SCAPER: variants seen among roughly 807,000 people sequenced by gnomAD.
SCAPER encodes S-phase cyclin A associated protein in the ER.
SCAPER carries 98 observed loss-of-function variants against 182.2 expected under a neutral mutation model. The ratio of observed to expected loss-of-function variants is 0.54; its 90% CI spans 0.46 to 0.64. SCAPER has a LOEUF of 0.64. SCAPER is among the 30% of genes least tolerant of loss of function. The probability of loss-of-function intolerance (pLI) is 0.00; values close to 1 mark genes in which losing one functional copy is unlikely to be tolerated. For missense variants in SCAPER, 1,432 were observed against 1,690.0 expected (o/e 0.85, Z 2.68); for synonymous variants, 605 against 564.6 (o/e 1.07, Z -1.01).
intron 5 of SCAPER, among the ~76,000 whole-genome samples, chr15:76,838,741 C>T (rs1352729384): frequency 6.6e-6 from 1 of 152,152 alleles, no homozygotes; most frequent in Non-Finnish European, 1.5e-5. Context: ...AAAATGTATT[C>T]CCAGCATGTT....
chr15:76,903,301 A>G (rs1376449302), intron 1 of SCAPER, among the ~76,000 whole-genome samples: 1 of 152,218 alleles, frequency 6.6e-6, no homozygotes, highest in Admixed American at 6.5e-5. Flanking sequence ...AGTACTGCTG[A>G]TTACACTTCC....
At chr15:76,572,310 A>G (rs2047487970) in intron 23 of SCAPER, among the ~76,000 whole-genome samples, 1 of 152,242 alleles carries the variant, frequency 6.6e-6, no homozygotes, top group South Asian at 2.1e-4. Context: ...TACAAAAATA[A>G]TCAGTATATA....
Position 76,704,634 on chromosome 15 carries a change from G to A in SCAPER, c.2247+1269C>T, listed in dbSNP as rs553892572. On this transcript the variant is annotated intron_variant, in intron 18 of 31. Coordinates refer to ENST00000563290, the MANE Select transcript of SCAPER (RefSeq NM_020843.4). ...GGTTTGTCAAAGATCAGATAGTTTC[G>A]CAACCTGCTCATCTGACAAAGGGCT... Among the ~76,000 whole-genome samples the A allele has an allele frequency of 1.3e-4, 20 of 151,956 alleles. 1 individual carries two copies. The South Asian group carries it at 1.7e-3, about 13-fold the overall frequency.
chr15:76,841,590 T>G, intron 5 of SCAPER, 144 bp downstream of exon 5: 1 of 775,746 alleles, frequency 1.3e-6, no homozygotes, highest in Non-Finnish European at 2.0e-6. Context: ...GAGGTTGTAA[T>G]GAGCCAAGAT....
intron 22 of SCAPER, among the ~76,000 whole-genome samples, chr15:76,584,844 T>G (rs2048518591): frequency 6.6e-6 from 1 of 152,158 alleles, no homozygotes; most frequent in South Asian, 2.1e-4. Flanking sequence ...GAGCCCACCA[T>G]GTCCAGCCTC....
intron 22 of SCAPER, among the ~76,000 whole-genome samples, chr15:76,586,450 T>C (rs1166595922): frequency 1.3e-5 from 2 of 152,164 alleles, no homozygotes; most frequent in Non-Finnish European, 2.9e-5. Flanking sequence ...AAGCTCTTGT[T>C]TCTTTTACTG....
chr15:76,514,946 A>G (rs1372816028), intron 23 of SCAPER, among the ~76,000 whole-genome samples: 1 of 152,176 alleles, frequency 6.6e-6, no homozygotes, highest in Non-Finnish European at 1.5e-5. Flanking sequence ...TGGCTTCTTT[A>G]TATTCCTATA....
At chr15:76,605,829 C>G (rs906331682) in intron 22 of SCAPER, among the ~76,000 whole-genome samples, 21 of 152,168 alleles carry the variant, frequency 1.4e-4, no homozygotes, top group East Asian at 1.9e-4. Context: ...TTATAGTATT[C>G]TCTGATGGTA....
intron 16 of SCAPER, among the ~76,000 whole-genome samples, chr15:76,730,541 A>G (rs1475148740): frequency 6.6e-6 from 1 of 152,094 alleles, no homozygotes. Context: ...AGTAAAAACA[A>G]TCAAATCTGG....
At chr15:76,481,028 G>A (rs1318865201) in intron 24 of SCAPER, among the ~76,000 whole-genome samples, 1 of 152,126 alleles carries the variant, frequency 6.6e-6, no homozygotes, top group African/African-American at 2.4e-5. Context: ...ACCGCGCCCG[G>A]CCCACTATTC....
intron 24 of SCAPER, among the ~76,000 whole-genome samples, chr15:76,503,410 C>A (rs1282832694): frequency 6.6e-6 from 1 of 152,120 alleles, no homozygotes; most frequent in Non-Finnish European, 1.5e-5. Flanking sequence ...TTAAAGAATA[C>A]CTATACCATT....
chr15:76,822,009 G>C (rs942479971), intron 5 of SCAPER, among the ~76,000 whole-genome samples: 11 of 152,152 alleles, frequency 7.2e-5, no homozygotes, highest in Non-Finnish European at 1.6e-4. Flanking sequence ...GGGGGACTGG[G>C]GAAGAATTAA....
At chr15:76,536,412 T>C (rs1478463143) in intron 23 of SCAPER, among the ~76,000 whole-genome samples, 1 of 152,196 alleles carries the variant, frequency 6.6e-6, no homozygotes, top group African/African-American at 2.4e-5. Context: ...CGGTGTGACC[T>C]TGGTCAAATT....
chr15:76,815,251 C>T (rs1396835975), intron 5 of SCAPER, among the ~76,000 whole-genome samples: 1 of 152,192 alleles, frequency 6.6e-6, no homozygotes, highest in East Asian at 1.9e-4. Flanking sequence ...AAAAATCCCT[C>T]TTCTGAGTAG....
chr15:76,516,543 T>G (rs954279824), intron 23 of SCAPER, among the ~76,000 whole-genome samples: 2 of 152,206 alleles, frequency 1.3e-5, no homozygotes, highest in Non-Finnish European at 2.9e-5. Flanking sequence ...GGACATGAAC[T>G]CATCCTTTTT....
At chr15:76,419,413 G>A (rs2045874106) in intron 26 of SCAPER, among the ~76,000 whole-genome samples, 1 of 151,414 alleles carries the variant, frequency 6.6e-6, no homozygotes, top group East Asian at 1.9e-4. Context: ...AATATTTAAA[G>A]AACTAAAGAA....
chr15:76,390,341 C>G (rs1321202241), intron 27 of SCAPER, among the ~76,000 whole-genome samples: 1 of 152,130 alleles, frequency 6.6e-6, no homozygotes, highest in Non-Finnish European at 1.5e-5. Context: ...TGTTTGGGAT[C>G]AACAACCTGG....
At chr15:76,379,740 T>C (rs1283565491) in intron 28 of SCAPER, 2 of 151,996 alleles carry the variant, frequency 1.3e-5, no homozygotes, top group Non-Finnish European at 2.9e-5. Context: ...TCACTTGACA[T>C]TATCGCCCAT....
intron 5 of SCAPER, among the ~76,000 whole-genome samples, chr15:76,809,862 A>G (rs1450412249): frequency 6.6e-6 from 1 of 152,234 alleles, no homozygotes; most frequent in Non-Finnish European, 1.5e-5. Context: ...GTAAAACAAA[A>G]GTTACTTATT....
Sources: allele counts gnomAD v4.1 joint callset (sites outside exome capture counted in the v4.1 genomes callset), GRCh38; gene constraint gnomAD v4.1.1; transcripts MANE v1.5; gene names NCBI Gene and HGNC (gene_info 2026-07-23, HGNC 2026-07-21).